The following LNX2 variants were observed in gnomAD, a reference collection of about 807,000 sequenced individuals.
The protein encoded by LNX2 is ligand of Numb protein X 2.
LNX2 carries 35 observed loss-of-function variants against 66.2 expected under a neutral mutation model. The ratio of observed to expected loss-of-function variants is 0.53; its 90% CI spans 0.40 to 0.70. The LOEUF is 0.70. LNX2 is among the 30% of genes least tolerant of loss of function. The pLI is 0.00. For synonymous variants in LNX2, 337 were observed against 315.6 expected, an observed-to-expected ratio of 1.07 and a Z score of -0.72; for missense variants, 791 against 850.8, an observed-to-expected ratio of 0.93 and a Z score of 0.87.
chr13:27,587,724 T>A (rs1366812514), intron 1 of LNX2, among the ~76,000 whole-genome samples: 1 of 152,118 alleles, frequency 6.6e-6, no homozygotes, highest in Non-Finnish European at 1.5e-5. Context: ...GCTGCTTCTG[T>A]ATAAAGCAGT....
At chr13:27,617,199 G>A (rs1955837082) in intron 1 of LNX2, among the ~76,000 whole-genome samples, 1 of 152,194 alleles carries the variant, frequency 6.6e-6, no homozygotes, top group Non-Finnish European at 1.5e-5. Context: ...AAAGCTAAAA[G>A]GGATGTCTTT....
intron 1 of LNX2, among the ~76,000 whole-genome samples, chr13:27,603,766 A>G (rs533278067): frequency 6.6e-6 from 1 of 152,178 alleles, no homozygotes; most frequent in Admixed American, 6.5e-5. Flanking sequence ...AATTTTAAGA[A>G]ATGCTTCCTG....
chr13:27,590,444 C>T (rs1361707313), intron 1 of LNX2, among the ~76,000 whole-genome samples: 1 of 151,944 alleles, frequency 6.6e-6, no homozygotes, highest in African/African-American at 2.4e-5. Flanking sequence ...GTCTCGAACC[C>T]CTGACCTCAA....
rs137980267 is a variant in LNX2 at position 27,554,330 on chromosome 13, T to C, written c.1547-891A>G. On this transcript the variant is annotated intron_variant, in intron 7 of 9. Coordinates refer to ENST00000316334, the MANE Select transcript of LNX2 (RefSeq NM_153371.4). The stretch of plus-strand genomic sequence containing the variant: ...AGAACATAATTTTATGGTTTTAATA[T>C]ATTCACAGTTGTGCAATCATCACTA... Among the ~76,000 whole-genome samples the C allele has an allele frequency of 5.3e-3, 815 of 152,354 alleles. 19 individuals are homozygous for C. Among genetic ancestry groups the C allele is most frequent in the Admixed American group, 0.039 (603 of 15,308 alleles).
chr13:27,556,184 G>T (rs1473263895), intron 7 of LNX2, 52 bp downstream of exon 7: 1 of 1,490,538 alleles, frequency 6.7e-7, no homozygotes, highest in Non-Finnish European at 9.3e-7. Context: ...TTTTAAATGT[G>T]CATTTAATTC....
intron 8 of LNX2, among the ~76,000 whole-genome samples, chr13:27,551,714 C>T (rs1206231982): frequency 6.6e-6 from 1 of 152,168 alleles, no homozygotes; most frequent in Non-Finnish European, 1.5e-5. Flanking sequence ...AACTTCTCAT[C>T]TTATCTAGTT....
intron 6 of LNX2, among the ~76,000 whole-genome samples, chr13:27,558,762 C>G (rs967889563): frequency 1.5e-4 from 23 of 152,186 alleles, no homozygotes; most frequent in African/African-American, 5.5e-4. Flanking sequence ...AGAATGAAGT[C>G]TGTGATTATA....
intron 1 of LNX2, among the ~76,000 whole-genome samples, chr13:27,617,439 T>C (rs1593269572): frequency 6.6e-6 from 1 of 152,148 alleles, no homozygotes; most frequent in South Asian, 2.1e-4. Flanking sequence ...GAAAGTTAAA[T>C]AGTTCCTCAT....
intron 4 of LNX2, among the ~76,000 whole-genome samples, chr13:27,564,493 A>C (rs1399637612): frequency 2.0e-5 from 3 of 152,136 alleles, no homozygotes; most frequent in Admixed American, 2.0e-4. Context: ...TTTATTAATG[A>C]TATTGAGGTA....
At position 27,546,275 on chromosome 13, in the gene LNX2, T is replaced by C. The variant is rs528350770; in HGVS notation, c.*2060A>G. On this transcript the variant is annotated 3_prime_UTR_variant, in exon 10 of 10. Coordinates refer to ENST00000316334, the MANE Select transcript of LNX2 (RefSeq NM_153371.4). ...AACAAAGTAGCAGTCAGGATATTTG[T>C]TGATGGATGGCTACTCCCCAAGAAA... 4.6e-5 allele frequency: 7 copies of C among 152,350 alleles called. No individual in the cohort carries two copies. The South Asian group carries it at 1.0e-3, about 23-fold the overall frequency. The allele number at this position is 152,350 out of a possible 1,614,324, so 9.4% of individuals were successfully genotyped here.
intron 1 of LNX2, among the ~76,000 whole-genome samples, chr13:27,598,558 A>G (rs542777331): frequency 6.6e-6 from 1 of 152,270 alleles, no homozygotes; most frequent in South Asian, 2.1e-4. Context: ...ACTGGGATGG[A>G]GAATTAACAG....
chr13:27,609,177 G>A (rs548347838), intron 1 of LNX2, among the ~76,000 whole-genome samples: 58 of 144,600 alleles, frequency 4.0e-4, no homozygotes, highest in African/African-American at 1.4e-3. Flanking sequence ...TTAAGAGATG[G>A]AGTCTCGCTC....
At chr13:27,563,519 A>AG (rs1283140423) in intron 4 of LNX2, among the ~76,000 whole-genome samples, 1 of 152,212 alleles carries the variant, frequency 6.6e-6, no homozygotes, top group Non-Finnish European at 1.5e-5. Flanking sequence ...TCTCAAAAAA[A>AG]GTATAGTGAC....
chr13:27,583,255 T>TGTGTGCGCGC (rs1555268514), intron 1 of LNX2, among the ~76,000 whole-genome samples: 2 of 58,530 alleles, frequency 3.4e-5, no homozygotes, highest in Admixed American at 1.8e-4. Context: ...TGTGTGTGTG[T>TGTGTGCGCGC]GCGCGCGTCC....
At chr13:27,561,719 G>T (rs1955138018) in intron 5 of LNX2, among the ~76,000 whole-genome samples, 1 of 152,004 alleles carries the variant, frequency 6.6e-6, no homozygotes. Flanking sequence ...GTTTTGTTTT[G>T]CTAACTTTAA....
In LNX2 at chr13:27,581,726, A is replaced by G; in HGVS notation, c.-23T>C. ...CATTTTGAATCAATTCTGTATCCTC[A>G]TGTGTTAGACTTCCACTTCACGCTT... is the stretch of plus-strand genomic sequence containing the variant. On this transcript the variant is annotated 5_prime_UTR_variant, in exon 2 of 10. An upstream start codon of the reference 5' UTR is lost. Transcript: ENST00000316334. The G allele has an allele frequency of 6.4e-7, 1 of 1,562,844 alleles. No homozygotes were observed. The highest frequency in any genetic ancestry group is 8.7e-7 in the Non-Finnish European group (1 of 1,153,886).
chr13:27,595,297 A>G (rs933871165), intron 1 of LNX2, among the ~76,000 whole-genome samples: 3 of 152,214 alleles, frequency 2.0e-5, no homozygotes, highest in Non-Finnish European at 4.4e-5. Context: ...ACTGCCACTT[A>G]TCACAGTTAT....
At chr13:27,551,746 G>A (rs1828050463) in intron 8 of LNX2, among the ~76,000 whole-genome samples, 1 of 152,068 alleles carries the variant, frequency 6.6e-6, no homozygotes, top group South Asian at 2.1e-4. Flanking sequence ...TGATAAGAAA[G>A]GCTTCTGGGA....
chr13:27,593,856 A>G (rs901039576), intron 1 of LNX2, among the ~76,000 whole-genome samples: 3 of 150,806 alleles, frequency 2.0e-5, no homozygotes, highest in Admixed American at 1.3e-4. Flanking sequence ...TCTGCCTCCC[A>G]AAGTGCTGGG....
Sources: allele counts gnomAD v4.1 joint callset (sites outside exome capture counted in the v4.1 genomes callset), GRCh38; gene constraint gnomAD v4.1.1; transcripts MANE v1.5; gene names NCBI Gene and HGNC (gene_info 2026-07-23, HGNC 2026-07-21).